The following GRID2 variants were observed in gnomAD, a reference collection of about 807,000 sequenced individuals.
GRID2 encodes glutamate ionotropic receptor delta type subunit 2.
In GRID2, 33 loss-of-function variants were observed where a neutral mutation model predicts 114.8. The observed-to-expected ratio is 0.29, with a 90% CI of 0.22 to 0.38. The LOEUF (loss-of-function observed/expected upper bound fraction) is 0.38. Among genes scored for constraint, GRID2 ranks in the 10% least tolerant of loss-of-function variants. The pLI, the probability that GRID2 is intolerant of heterozygous loss-of-function variation, is 1.00. For synonymous variants in GRID2, 505 were observed against 449.9 expected (o/e 1.12, Z -1.55); for missense variants, 1,184 against 1,257.7 (o/e 0.94, Z 0.89).
chr4:93,152,770 T>C lies in GRID2; in HGVS notation c.735+41817T>C, dbSNP rs148264121. Among the ~76,000 whole-genome samples the C allele has an allele frequency of 4.3e-3, 655 of 152,212 alleles. 9 individuals carry two copies. Among genetic ancestry groups the C allele is most frequent in the African/African-American group, 0.015 (630 of 41,550 alleles). ...CTAATCAGATGTTTAGGAAATGTTT[T>C]AGATATTTCAGAGAAAGGGAAGATA... On this transcript the variant is annotated intron_variant, in intron 4 of 15. Transcript: ENST00000282020.
At chr4:93,690,532 T>C (rs553128075) in intron 14 of GRID2, among the ~76,000 whole-genome samples, 33 of 152,096 alleles carry the variant, frequency 2.2e-4, no homozygotes, top group Admixed American at 1.9e-3. Context: ...AGCCTTTTGA[T>C]AAAAACTGGC....
intron 4 of GRID2, among the ~76,000 whole-genome samples, chr4:93,188,689 A>AT (rs1164844345): frequency 6.6e-6 from 1 of 152,040 alleles, no homozygotes; most frequent in East Asian, 1.9e-4. Context: ...TTTGATTATA[A>AT]TTTTTTCTTT....
intron 1 of GRID2, among the ~76,000 whole-genome samples, chr4:92,462,914 G>T (rs1455373132): frequency 1.3e-5 from 2 of 151,868 alleles, no homozygotes; most frequent in Non-Finnish European, 2.9e-5. Flanking sequence ...TACTATGAAA[G>T]ACACAATTGT....
chr4:93,614,877 A>G (rs1020140656), intron 13 of GRID2, among the ~76,000 whole-genome samples: 11 of 152,320 alleles, frequency 7.2e-5, no homozygotes, highest in African/African-American at 2.2e-4. Flanking sequence ...CAGCAATAAC[A>G]TGTTCTTTTC....
intron 13 of GRID2, among the ~76,000 whole-genome samples, chr4:93,614,425 A>G (rs1043078699): frequency 6.6e-6 from 1 of 152,226 alleles, no homozygotes; most frequent in African/African-American, 2.4e-5. Flanking sequence ...AAAAGTGACC[A>G]GCTTTTTAGA....
intron 6 of GRID2, among the ~76,000 whole-genome samples, chr4:93,221,017 T>A (rs774512833): frequency 6.6e-6 from 1 of 152,176 alleles, no homozygotes; most frequent in Non-Finnish European, 1.5e-5. Context: ...ATCAATTACA[T>A]GAAGAATCCT....
chr4:93,559,764 A>G (rs1197487983), intron 13 of GRID2, among the ~76,000 whole-genome samples: 3 of 152,204 alleles, frequency 2.0e-5, no homozygotes, highest in African/African-American at 7.2e-5. Flanking sequence ...ATTCTACTAT[A>G]AAGACACATG....
At chr4:93,633,408 G>T (rs1265146704) in intron 14 of GRID2, among the ~76,000 whole-genome samples, 1 of 151,814 alleles carries the variant, frequency 6.6e-6, no homozygotes, top group Non-Finnish European at 1.5e-5. Flanking sequence ...TTTACCTCTT[G>T]TTTCCTACCT....
chr4:93,775,894 A>C (rs1411057353), downstream of GRID2, among the ~76,000 whole-genome samples: 2 of 152,246 alleles, frequency 1.3e-5, no homozygotes, highest in African/African-American at 2.4e-5. Flanking sequence ...CAACTGAATA[A>C]ATACTTTTAA....
intron 2 of GRID2, among the ~76,000 whole-genome samples, chr4:92,734,684 C>T (rs1011270622): frequency 2.6e-5 from 4 of 151,756 alleles, no homozygotes; most frequent in Middle Eastern, 3.4e-3. Flanking sequence ...AAATTTAGAA[C>T]ATTTTTTCTC....
At chr4:92,486,165 TAAAA>T (rs982087528) in intron 1 of GRID2, among the ~76,000 whole-genome samples, 1 of 150,762 alleles carries the variant, frequency 6.6e-6, no homozygotes, top group African/African-American at 2.4e-5. Context: ...ATAAATAAAA[TAAAA>T]AAATATAAAA....
intron 4 of GRID2, among the ~76,000 whole-genome samples, chr4:93,179,799 T>G (rs559213728): frequency 6.6e-6 from 1 of 152,170 alleles, no homozygotes; most frequent in South Asian, 2.1e-4. Context: ...ACACTACTAA[T>G]GGACACAGAT....
chr4:92,827,777 T>C lies in GRID2; in HGVS notation c.244+237491T>C, dbSNP rs1418104775. On this transcript the variant is annotated intron_variant, in intron 2 of 15. Transcript: ENST00000282020. ...GAGATGGATATAAGCACTTTCCTTT[T>C]AGCTAAAATAAATCTAGTTTGCTAT... is the stretch of plus-strand genomic sequence containing the variant. Among the ~76,000 whole-genome samples, 3 of 152,082 alleles carry C rather than the reference T, an allele frequency of 2.0e-5. No homozygotes were observed. In the East Asian group the frequency reaches 5.8e-4, roughly 29 times the overall value.
chr4:93,248,135 C>T (rs538968583), intron 8 of GRID2, among the ~76,000 whole-genome samples: 1 of 152,160 alleles, frequency 6.6e-6, no homozygotes, highest in South Asian at 2.1e-4. Flanking sequence ...TCAAATTCAA[C>T]AATATGATGT....
At chr4:92,579,649 C>A (rs12505436) in intron 1 of GRID2, among the ~76,000 whole-genome samples, 40,603 of 151,638 alleles carry the variant, frequency 0.27, 5,593 homozygotes, top group Middle Eastern at 0.37. Flanking sequence ...TTTTCTGATT[C>A]TTAGTCTCCT....
At chr4:93,716,530 A>C (rs1401779431) in intron 14 of GRID2, among the ~76,000 whole-genome samples, 1 of 152,080 alleles carries the variant, frequency 6.6e-6, no homozygotes, top group Non-Finnish European at 1.5e-5. Context: ...AGTGGAATCC[A>C]CTTTATACTA....
intron 1 of GRID2, among the ~76,000 whole-genome samples, chr4:92,386,867 C>T (rs543216142): frequency 1.3e-5 from 2 of 151,800 alleles, no homozygotes; most frequent in Non-Finnish European, 2.9e-5. Flanking sequence ...ACTTGAGATA[C>T]ATAGCCTCAT....
intron 1 of GRID2, among the ~76,000 whole-genome samples, chr4:92,342,604 A>G (rs1047977872): frequency 1.3e-5 from 2 of 152,234 alleles, no homozygotes; most frequent in African/African-American, 2.4e-5. Context: ...AAGGAAATTC[A>G]TTAAACAAAA....
intron 2 of GRID2, among the ~76,000 whole-genome samples, chr4:92,991,101 T>A (rs1404999209): frequency 6.6e-6 from 1 of 152,020 alleles, no homozygotes; most frequent in Non-Finnish European, 1.5e-5. Flanking sequence ...TGTTTCATTA[T>A]TTTTTATGAA....
Sources: allele counts gnomAD v4.1 joint callset (sites outside exome capture counted in the v4.1 genomes callset), GRCh38; gene constraint gnomAD v4.1.1; transcripts MANE v1.5; gene names NCBI Gene and HGNC (gene_info 2026-07-23, HGNC 2026-07-21).